FBXL7: variants seen among roughly 807,000 people sequenced by gnomAD.
FBXL7 encodes F-box/LRR-repeat protein 7.
In FBXL7, 12 loss-of-function variants were observed where a neutral mutation model predicts 38.3. The observed-to-expected ratio is 0.31, with a 90% CI of 0.20 to 0.51. The LOEUF is 0.51. FBXL7 is among the 20% of genes least tolerant of loss of function. The pLI, the probability that FBXL7 is intolerant of heterozygous loss-of-function variation, is 0.98. For synonymous variants in FBXL7, 297 were observed against 300.9 expected, an observed-to-expected ratio of 0.99 and a Z score of 0.13; for missense variants, 567 against 676.4, an observed-to-expected ratio of 0.84 and a Z score of 1.79.
intron 2 of FBXL7, among the ~76,000 whole-genome samples, chr5:15,806,540 C>T (rs1737717119): frequency 6.6e-6 from 1 of 152,024 alleles, no homozygotes; most frequent in African/African-American, 2.4e-5. Flanking sequence ...GGGAGGTGAC[C>T]TTAGGGCAAC....
chr5:15,683,179 C>A (rs1436816216), intron 2 of FBXL7, among the ~76,000 whole-genome samples: 1 of 152,090 alleles, frequency 6.6e-6, no homozygotes, highest in East Asian at 1.9e-4. Flanking sequence ...CTCTGGAGAC[C>A]TAAAACTTGT....
chr5:15,868,320 C>T lies in FBXL7; in HGVS notation c.128-59570C>T, dbSNP rs374258978. Reference sequence around the variant, plus strand: ...ACCTCCAGAAAAGAATGCAGCTCTCCTGATGCCTTGATCTTAGCCTGGTGA... The same window carrying T: ...ACCTCCAGAAAAGAATGCAGCTCTCTTGATGCCTTGATCTTAGCCTGGTGA... On this transcript the variant is annotated intron_variant, in intron 2 of 3. Coordinates refer to ENST00000504595, the MANE Select transcript of FBXL7 (RefSeq NM_012304.5). Among the ~76,000 whole-genome samples the T allele has an allele frequency of 1.5e-4, 23 of 152,306 alleles. No homozygotes were observed. In the South Asian group the frequency reaches 4.8e-3, roughly 32 times the overall value.
intron 2 of FBXL7, among the ~76,000 whole-genome samples, chr5:15,702,009 G>A (rs974591796): frequency 6.6e-6 from 1 of 152,040 alleles, no homozygotes; most frequent in Non-Finnish European, 1.5e-5. Flanking sequence ...AGACTGAGGC[G>A]GGCAGATCAC....
chr5:15,903,127 G>T (rs1350601495), intron 2 of FBXL7, among the ~76,000 whole-genome samples: 1 of 152,204 alleles, frequency 6.6e-6, no homozygotes, highest in Non-Finnish European at 1.5e-5. Context: ...TTTCAAAGTC[G>T]ATATTAAACT....
chr5:15,752,426 G>A (rs1380979086), intron 2 of FBXL7, among the ~76,000 whole-genome samples: 1 of 152,114 alleles, frequency 6.6e-6, no homozygotes, highest in Non-Finnish European at 1.5e-5. Flanking sequence ...GCTTTGTCAG[G>A]TAGTTTTCAT....
intron 2 of FBXL7, among the ~76,000 whole-genome samples, chr5:15,664,874 GTTT>G (rs55666327): frequency 2.1e-5 from 3 of 145,006 alleles, no homozygotes; most frequent in Non-Finnish European, 3.0e-5. Context: ...AATTTTTTCA[GTTT>G]TTTTTTTTTT....
chr5:15,880,636 A>G (rs1029125894), intron 2 of FBXL7, among the ~76,000 whole-genome samples: 4 of 150,838 alleles, frequency 2.7e-5, no homozygotes, highest in Non-Finnish European at 4.4e-5. Flanking sequence ...ATCAGGCTAC[A>G]ATGGATTGCA....
At chr5:15,806,361 C>T (rs373182214) in intron 2 of FBXL7, among the ~76,000 whole-genome samples, 5 of 152,144 alleles carry the variant, frequency 3.3e-5, no homozygotes, top group East Asian at 1.9e-4. Context: ...TCCCATGTAT[C>T]TGCTGCAATT....
chr5:15,627,976 AT>A (rs1217633173), intron 2 of FBXL7, among the ~76,000 whole-genome samples: 7 of 152,198 alleles, frequency 4.6e-5, no homozygotes, highest in Admixed American at 6.6e-5. Flanking sequence ...CATTCTGTAT[AT>A]GTAAAAAAGA....
intron 1 of FBXL7, among the ~76,000 whole-genome samples, chr5:15,565,745 G>A (rs537775890): frequency 3.4e-4 from 52 of 152,220 alleles, no homozygotes; most frequent in South Asian, 6.2e-4. Flanking sequence ...GTTCAAGTGT[G>A]AAGGCATGAA....
At chr5:15,643,984 C>T (rs1022711213) in intron 2 of FBXL7, among the ~76,000 whole-genome samples, 4 of 152,056 alleles carry the variant, frequency 2.6e-5, no homozygotes, top group Admixed American at 2.0e-4. Context: ...TTTGGCACTT[C>T]GTACTTTCAT....
chr5:15,574,708 G>A (rs927202948), intron 1 of FBXL7, among the ~76,000 whole-genome samples: 5 of 152,136 alleles, frequency 3.3e-5, no homozygotes, highest in Non-Finnish European at 7.3e-5. Context: ...TGAGGTGCTT[G>A]TAAGCCTGTA....
chr5:15,772,771 C>T (rs1374785977), intron 2 of FBXL7, among the ~76,000 whole-genome samples: 1 of 152,094 alleles, frequency 6.6e-6, no homozygotes, highest in Non-Finnish European at 1.5e-5. Context: ...CTCAAATATC[C>T]TCTATTATAT....
intron 2 of FBXL7, among the ~76,000 whole-genome samples, chr5:15,640,321 A>G (rs1741318393): frequency 6.6e-6 from 1 of 151,560 alleles, no homozygotes; most frequent in Non-Finnish European, 1.5e-5. Flanking sequence ...CAGCTGCGTC[A>G]CTCCAGTCCC....
Position 15,928,140 on chromosome 5 carries a change from C to T in FBXL7, c.378C>T (p.Phe126=). ...CGGACCACTCCATGGTGCAGATCTTCTCCTTCCTGCCCACCAACCAGCTGT... is the reference window on the plus strand; with the variant it reads ...CGGACCACTCCATGGTGCAGATCTTTTCCTTCCTGCCCACCAACCAGCTGT... ...RLPDHSMVQI[F]SFLPTNQLCR... The change falls in exon 3 of 4, where the codon TTC becomes TTT. Residue 126 remains phenylalanine (F), a synonymous_variant. Coordinates refer to ENST00000504595, the MANE Select transcript of FBXL7 (RefSeq NM_012304.5). The surrounding 1 kb of genome is among the most constrained non-coding windows in gnomAD (Gnocchi z 4.0). The T allele has an allele frequency of 4.3e-6, 7 of 1,611,514 alleles. No homozygotes were observed. The highest frequency in any genetic ancestry group is 5.9e-6 in the Non-Finnish European group (7 of 1,179,198).
At position 15,884,037 on chromosome 5, in the gene FBXL7, T is replaced by G. The variant is rs186338353; in HGVS notation, c.128-43853T>G. Among the ~76,000 whole-genome samples, 9 of 152,244 alleles carry G rather than the reference T, an allele frequency of 5.9e-5. No homozygotes were observed. In the East Asian group the frequency reaches 1.5e-3, roughly 26 times the overall value. ...GCTGCTGTAACAAAATCCCACACAC[T>G]TAATAGAAATTTACCTCACAGTTCT... On this transcript the variant is annotated intron_variant, in intron 2 of 3. Coordinates refer to ENST00000504595, the MANE Select transcript of FBXL7 (RefSeq NM_012304.5).
At chr5:15,617,518 G>A (rs1379566208) in intron 2 of FBXL7, among the ~76,000 whole-genome samples, 2 of 151,802 alleles carry the variant, frequency 1.3e-5, no homozygotes, top group East Asian at 1.9e-4. Context: ...GTGGAGTGCC[G>A]TGGCACGATC....
At chr5:15,505,244 G>C (rs188690645) in intron 1 of FBXL7, among the ~76,000 whole-genome samples, 1 of 152,234 alleles carries the variant, frequency 6.6e-6, no homozygotes, top group South Asian at 2.1e-4. Flanking sequence ...CTTCATCCTC[G>C]CAAGGATCTT....
At chr5:15,691,886 C>A (rs754446906) in intron 2 of FBXL7, among the ~76,000 whole-genome samples, 2 of 152,100 alleles carry the variant, frequency 1.3e-5, no homozygotes, top group African/African-American at 4.8e-5. Flanking sequence ...CAGGGACTCC[C>A]GCATCGCTGG....
Sources: gnomAD v4.1 joint callset for allele counts (sites outside exome capture counted in the v4.1 genomes callset) on GRCh38, gnomAD v4.1.1 for gene constraint, Gnocchi (gnomAD v3.1) non-coding constraint, MANE v1.5 for transcripts, NCBI Gene and HGNC (gene_info 2026-07-23, HGNC 2026-07-21) for gene names.